DCDC1: variants seen among roughly 807,000 people sequenced by gnomAD.
The protein encoded by DCDC1 is doublecortin domain-containing protein 1.
In DCDC1, 200 loss-of-function variants were observed where a neutral mutation model predicts 178.3. The observed-to-expected ratio is 1.12, with a 90% CI of 1.00 to 1.26. The LOEUF is 1.26. Ranked by LOEUF, DCDC1 falls within the 50% of genes most tolerant of loss-of-function variation. The pLI, the probability that DCDC1 is intolerant of heterozygous loss-of-function variation, is 0.00. For missense variants in DCDC1, 1,983 were observed against 1,749.2 expected (o/e 1.13, Z -2.38); for synonymous variants, 690 against 604.8 (o/e 1.14, Z -2.07).
At chr11:30,947,133 A>G (rs1405820742) in intron 21 of DCDC1, among the ~76,000 whole-genome samples, 1 of 152,234 alleles carries the variant, frequency 6.6e-6, no homozygotes, top group East Asian at 1.9e-4. Context: ...AAAGATGAAG[A>G]GAAAATTAAT....
chr11:30,925,685 T>C (rs1465582704), intron 22 of DCDC1, among the ~76,000 whole-genome samples: 1 of 152,154 alleles, frequency 6.6e-6, no homozygotes, highest in Non-Finnish European at 1.5e-5. Flanking sequence ...AAAGAGCTCT[T>C]AGCACAGTCC....
chr11:31,284,800 A>G (rs931871696), intron 7 of DCDC1, among the ~76,000 whole-genome samples: 1 of 151,748 alleles, frequency 6.6e-6, no homozygotes, highest in Non-Finnish European at 1.5e-5. Context: ...CACCATGCCC[A>G]GCTAATTTTT....
intron 8 of DCDC1, among the ~76,000 whole-genome samples, chr11:31,255,158 T>C (rs750585322): frequency 6.6e-6 from 1 of 152,254 alleles, no homozygotes; most frequent in Non-Finnish European, 1.5e-5. Context: ...CCATTGTATG[T>C]ATATACTACC....
intron 8 of DCDC1, among the ~76,000 whole-genome samples, chr11:31,265,007 T>C (rs1475367347): frequency 6.6e-6 from 1 of 152,152 alleles, no homozygotes; most frequent in South Asian, 2.1e-4. Flanking sequence ...TTTATCAGCA[T>C]ACTGCTGATA....
At chr11:31,093,037 T>C (rs1007097890) in intron 16 of DCDC1, among the ~76,000 whole-genome samples, 5 of 152,202 alleles carry the variant, frequency 3.3e-5, no homozygotes. Flanking sequence ...AAGTACCTAA[T>C]GTAATGTCTG....
chr11:31,075,881 C>T (rs540895218), intron 18 of DCDC1, among the ~76,000 whole-genome samples: 7 of 152,178 alleles, frequency 4.6e-5, no homozygotes, highest in African/African-American at 1.4e-4. Context: ...GACAGAGTTT[C>T]GCTCTTGTTG....
intron 9 of DCDC1, among the ~76,000 whole-genome samples, chr11:31,142,384 G>A (rs1361519186): frequency 6.6e-6 from 1 of 152,106 alleles, no homozygotes; most frequent in Non-Finnish European, 1.5e-5. Flanking sequence ...TCAAACTGGT[G>A]GAAAGGTCAA....
At chr11:31,279,971 A>C (rs573228215) in intron 7 of DCDC1, among the ~76,000 whole-genome samples, 5 of 152,126 alleles carry the variant, frequency 3.3e-5, no homozygotes, top group Non-Finnish European at 7.4e-5. Flanking sequence ...CTCAAACATT[A>C]AATCAATTTT....
Position 31,245,529 on chromosome 11 carries a change from GTTTTTA to G in DCDC1, c.1055-3919_1055-3914del, listed in dbSNP as rs1471488395. ...AAGCATATTTAGGATGTGTGCAATT[GTTTTTA>G]TTTTAATTTTCCTTATATGATTATG... is the stretch of plus-strand genomic sequence containing the variant. On this transcript the variant is annotated intron_variant, in intron 8 of 38. Coordinates refer to ENST00000684477, the MANE Select transcript of DCDC1 (RefSeq NM_001387274.1). Among the ~76,000 whole-genome samples the G allele has an allele frequency of 5.3e-5, 8 of 151,644 alleles. 1 individual carries two copies. The South Asian group carries it at 1.7e-3, about 32-fold the overall frequency.
chr11:31,018,469 T>C (rs1369003848), intron 20 of DCDC1, among the ~76,000 whole-genome samples: 4 of 152,216 alleles, frequency 2.6e-5, no homozygotes, highest in Admixed American at 1.3e-4. Context: ...AGATGCCCTA[T>C]GCTCCTCACA....
chr11:31,262,235 C>T (rs980911767), intron 8 of DCDC1, among the ~76,000 whole-genome samples: 1 of 151,380 alleles, frequency 6.6e-6, no homozygotes, highest in African/African-American at 2.4e-5. Flanking sequence ...CCACTGCACT[C>T]CAGCCTGGGC....
At chr11:31,365,710 T>A (rs1380989235) in intron 1 of DCDC1, among the ~76,000 whole-genome samples, 1 of 152,180 alleles carries the variant, frequency 6.6e-6, no homozygotes, top group Non-Finnish European at 1.5e-5. Flanking sequence ...CTTAAACTCC[T>A]GATGTATCTA....
At chr11:31,225,070 T>TA (rs1565463144) in intron 9 of DCDC1, among the ~76,000 whole-genome samples, 1 of 152,114 alleles carries the variant, frequency 6.6e-6, no homozygotes, top group African/African-American at 2.4e-5. Flanking sequence ...TGCATGCTTA[T>TA]AGCAGCACAA....
intron 8 of DCDC1, among the ~76,000 whole-genome samples, chr11:31,252,909 A>G (rs1473988991): frequency 6.6e-6 from 1 of 152,060 alleles, no homozygotes; most frequent in Non-Finnish European, 1.5e-5. Context: ...TTCATGAACA[A>G]AGTGAGATTT....
chr11:31,178,024 G>A (rs546736337), intron 9 of DCDC1, among the ~76,000 whole-genome samples: 79 of 152,202 alleles, frequency 5.2e-4, no homozygotes, highest in African/African-American at 1.9e-3. Context: ...CAACAGAGAC[G>A]AAATGGACCA....
intron 26 of DCDC1, among the ~76,000 whole-genome samples, chr11:30,916,186 C>A (rs1389085232): frequency 6.6e-6 from 1 of 152,144 alleles, no homozygotes; most frequent in Admixed American, 6.5e-5. Context: ...CAAGTCATAG[C>A]ATATCATAAA....
intron 12 of DCDC1, among the ~76,000 whole-genome samples, chr11:31,108,122 C>T (rs1247637940): frequency 6.6e-6 from 1 of 152,114 alleles, no homozygotes; most frequent in Non-Finnish European, 1.5e-5. Flanking sequence ...TTCTTTTGAC[C>T]AGAAACTGCA....
Position 31,025,540 on chromosome 11 carries a change from G to A in DCDC1, c.2591+38929C>T, listed in dbSNP as rs528580776. On this transcript the variant is annotated intron_variant, in intron 20 of 38. Transcript: ENST00000684477. ...GAACTAAGCCAATCTTCCTGTTTAG[G>A]GGCAAAAGTATAAAATCAAACGTTA... Among the ~76,000 whole-genome samples the A allele has an allele frequency of 1.5e-4, 23 of 151,566 alleles. No individual in the cohort carries two copies. In the South Asian group the frequency reaches 4.4e-3, roughly 29 times the overall value.
At chr11:30,971,048 C>A (rs1407265596) in intron 20 of DCDC1, among the ~76,000 whole-genome samples, 1 of 152,160 alleles carries the variant, frequency 6.6e-6, no homozygotes, top group African/African-American at 2.4e-5. Flanking sequence ...CCTGGTATCC[C>A]CATCCCCAGC....
Sources: allele counts gnomAD v4.1 joint callset (sites outside exome capture counted in the v4.1 genomes callset), GRCh38; gene constraint gnomAD v4.1.1; transcripts MANE v1.5; gene names NCBI Gene and HGNC (gene_info 2026-07-23, HGNC 2026-07-21).